The following UMAD1 variants were observed in gnomAD, a reference collection of about 807,000 sequenced individuals.
The protein encoded by UMAD1 is UBAP1-MVB12-associated (UMA) domain containing 1.
UMAD1 carries 8 observed loss-of-function variants against 6.1 expected under a neutral mutation model. The observed-to-expected ratio is 1.30, with a 90% CI of 0.76 to 2.35. The LOEUF is 2.35. Among genes scored for constraint, UMAD1 ranks in the 30% most tolerant of loss-of-function variants. The pLI is 0.00. For synonymous variants in UMAD1, 56 were observed against 31.4 expected, an observed-to-expected ratio of 1.78 and a Z score of -2.61; for missense variants, 130 against 78.4, an observed-to-expected ratio of 1.66 and a Z score of -2.49.
chr7:7,740,981 C>T lies in UMAD1; in HGVS notation c.83-60689C>T, dbSNP rs549082249. On this transcript the variant is annotated intron_variant, in intron 2 of 3. Coordinates refer to ENST00000682710, the MANE Select transcript of UMAD1 (RefSeq NM_001302348.2). ...TTTGTGGGAATAAGTTTAAAGTTTT[C>T]TTCTGTTAATGTTGAAATTAGGAAT... 5 of 152,250 alleles carry T rather than the reference C, an allele frequency of 3.3e-5. 1 individual carries two copies. In the East Asian group the frequency reaches 9.7e-4, roughly 29 times the overall value. 9.4% of individuals were successfully genotyped at this position (152,250 alleles called of 1,614,324 possible). A position where few individuals can be genotyped will look rare whatever the true frequency, so the allele number is the denominator to read the frequency against.
At chr7:7,758,327 C>A (rs1364369502) in intron 2 of UMAD1, among the ~76,000 whole-genome samples, 1 of 152,078 alleles carries the variant, frequency 6.6e-6, no homozygotes, top group Admixed American at 6.5e-5. Flanking sequence ...ATGTAGACTG[C>A]CTAATCTTTA....
intron 3 of UMAD1, among the ~76,000 whole-genome samples, chr7:7,874,835 C>G (rs1784387792): frequency 6.6e-6 from 1 of 152,142 alleles, no homozygotes; most frequent in African/African-American, 2.4e-5. Flanking sequence ...CAAGAGAACA[C>G]CAGGAGGGCT....
At chr7:7,867,636 G>T (rs1390490212) in intron 3 of UMAD1, among the ~76,000 whole-genome samples, 1 of 152,138 alleles carries the variant, frequency 6.6e-6, no homozygotes, top group African/African-American at 2.4e-5. Context: ...AGACTCAGTA[G>T]AGGGGTGCAG....
At chr7:7,750,450 T>A (rs975997566) in intron 2 of UMAD1, among the ~76,000 whole-genome samples, 4 of 152,168 alleles carry the variant, frequency 2.6e-5, no homozygotes, top group Non-Finnish European at 2.9e-5. Context: ...CAGTTTGAAA[T>A]GTACAATACT....
intron 2 of UMAD1, among the ~76,000 whole-genome samples, chr7:7,712,023 C>T (rs555549486): frequency 4.6e-5 from 7 of 152,122 alleles, no homozygotes; most frequent in African/African-American, 9.6e-5. Flanking sequence ...CTTTTCTTCA[C>T]GTATCTTCCA....
At chr7:7,706,689 A>G (rs1354541439) in intron 2 of UMAD1, among the ~76,000 whole-genome samples, 2 of 152,192 alleles carry the variant, frequency 1.3e-5, no homozygotes, top group African/African-American at 4.8e-5. Context: ...TCTAACTCAC[A>G]GATGGGAAAA....
chr7:7,793,979 A>G (rs1782619012), intron 2 of UMAD1, among the ~76,000 whole-genome samples: 1 of 152,162 alleles, frequency 6.6e-6, no homozygotes, highest in African/African-American at 2.4e-5. Flanking sequence ...TCACTGCAGA[A>G]TTTCTTAGAT....
chr7:7,835,621 A>G (rs993913302), intron 3 of UMAD1, among the ~76,000 whole-genome samples: 3 of 151,812 alleles, frequency 2.0e-5, no homozygotes, highest in African/African-American at 4.8e-5. Context: ...AGTGCTATGA[A>G]GAAAACACAA....
intron 3 of UMAD1, among the ~76,000 whole-genome samples, chr7:7,857,149 T>C (rs945914160): frequency 6.6e-6 from 1 of 152,224 alleles, no homozygotes. Context: ...AAATCAACTG[T>C]ACTCTTTGAG....
At chr7:7,874,460 A>C (rs978093165) in intron 3 of UMAD1, among the ~76,000 whole-genome samples, 1 of 152,184 alleles carries the variant, frequency 6.6e-6, no homozygotes, top group Non-Finnish European at 1.5e-5. Flanking sequence ...AATCTCATCC[A>C]CATAATGTTG....
At chr7:7,641,682 T>C (rs2115540925) in intron 1 of UMAD1, 1 of 152,222 alleles carries the variant, frequency 6.6e-6, no homozygotes, top group African/African-American at 2.4e-5. Flanking sequence ...CTAGAATGAG[T>C]GCACATAAAA....
intron 2 of UMAD1, among the ~76,000 whole-genome samples, chr7:7,785,696 A>G (rs1782449124): frequency 6.6e-6 from 1 of 152,234 alleles, no homozygotes; most frequent in South Asian, 2.1e-4. Flanking sequence ...GGCTTTAGAA[A>G]GCTGAACGTG....
chr7:7,746,487 A>G (rs1007299079), intron 2 of UMAD1, among the ~76,000 whole-genome samples: 1 of 152,234 alleles, frequency 6.6e-6, no homozygotes, highest in African/African-American at 2.4e-5. Context: ...TGGAACTCAC[A>G]TACGTTTAAA....
chr7:7,721,144 C>CAG (rs1781041166), intron 2 of UMAD1, among the ~76,000 whole-genome samples: 1 of 152,174 alleles, frequency 6.6e-6, no homozygotes, highest in Admixed American at 6.5e-5. Context: ...CTAGAGACTT[C>CAG]AGAGAGAGCT....
At chr7:7,783,556 G>A (rs192758804) in intron 2 of UMAD1, among the ~76,000 whole-genome samples, 1 of 152,100 alleles carries the variant, frequency 6.6e-6, no homozygotes, top group Admixed American at 6.5e-5. Flanking sequence ...GAGGATGAAG[G>A]GCACTAGCCA....
At chr7:7,769,025 G>A (rs780498504) in intron 2 of UMAD1, among the ~76,000 whole-genome samples, 8 of 152,170 alleles carry the variant, frequency 5.3e-5, no homozygotes, top group Non-Finnish European at 8.8e-5. Flanking sequence ...CCAGTGCATT[G>A]TGAATTTCTG....
intron 3 of UMAD1, among the ~76,000 whole-genome samples, chr7:7,802,787 G>A (rs1396504415): frequency 6.6e-6 from 1 of 152,188 alleles, no homozygotes; most frequent in Non-Finnish European, 1.5e-5. Context: ...CTAGCCCACA[G>A]TAGGTAGTTG....
chr7:7,733,108 G>A (rs139928522), intron 2 of UMAD1, among the ~76,000 whole-genome samples: 90 of 152,284 alleles, frequency 5.9e-4, no homozygotes, highest in African/African-American at 1.9e-3. Flanking sequence ...TGGACAAAGA[G>A]TGTTGTAATC....
At chr7:7,819,091 C>T (rs1427457724) in intron 3 of UMAD1, among the ~76,000 whole-genome samples, 1 of 152,126 alleles carries the variant, frequency 6.6e-6, no homozygotes, top group East Asian at 1.9e-4. Context: ...CCCAGGTGAT[C>T]CACCCACCTC....
Sources: gnomAD v4.1 joint callset for allele counts (sites outside exome capture counted in the v4.1 genomes callset) on GRCh38, gnomAD v4.1.1 for gene constraint, MANE v1.5 for transcripts, NCBI Gene and HGNC (gene_info 2026-07-23, HGNC 2026-07-21) for gene names.